SNX29: variants seen among roughly 807,000 people sequenced by gnomAD.
SNX29 encodes sorting nexin 29, also known as sorting nexin-29.
SNX29 carries 78 observed loss-of-function variants against 102.1 expected under a neutral mutation model. The observed-to-expected ratio is 0.76, with a 90% CI of 0.64 to 0.92. The LOEUF is 0.92. Ranked by LOEUF, SNX29 falls within the 40% of genes least tolerant of loss-of-function variation. SNX29 has a pLI of 0.00. For synonymous variants in SNX29, 580 were observed against 414.5 expected, an observed-to-expected ratio of 1.40 and a Z score of -4.85; for missense variants, 1,280 against 1,061.7, an observed-to-expected ratio of 1.21 and a Z score of -2.86.
chr16:12,355,494 C>T (rs1405331629), intron 15 of SNX29, among the ~76,000 whole-genome samples: 2 of 152,174 alleles, frequency 1.3e-5, no homozygotes, highest in African/African-American at 4.8e-5. Flanking sequence ...AAGGATCTGC[C>T]TGACCTCGCA....
chr16:12,272,217 C>T (rs2079110992), intron 14 of SNX29, among the ~76,000 whole-genome samples: 1 of 152,122 alleles, frequency 6.6e-6, no homozygotes, highest in Admixed American at 6.5e-5. Flanking sequence ...AAATATAGTC[C>T]TAGAGGGGCT....
At chr16:12,547,314 C>T (rs1002345870) in intron 20 of SNX29, among the ~76,000 whole-genome samples, 1 of 152,140 alleles carries the variant, frequency 6.6e-6, no homozygotes, top group Non-Finnish European at 1.5e-5. Flanking sequence ...CAGGGTAGCC[C>T]AGGAACAGAG....
intron 20 of SNX29, among the ~76,000 whole-genome samples, chr16:12,549,757 G>A (rs765852259): frequency 6.6e-6 from 1 of 152,236 alleles, no homozygotes; most frequent in Non-Finnish European, 1.5e-5. Flanking sequence ...TTTGAGACCT[G>A]TTGGTGATTA....
intron 15 of SNX29, among the ~76,000 whole-genome samples, chr16:12,326,581 A>G (rs2081126840): frequency 1.3e-5 from 2 of 152,176 alleles, no homozygotes; most frequent in African/African-American, 4.8e-5. Flanking sequence ...TTGTGTTCCA[A>G]GAAAACTTTA....
At chr16:12,072,832 G>A (rs1366222127) in intron 10 of SNX29, among the ~76,000 whole-genome samples, 1 of 152,070 alleles carries the variant, frequency 6.6e-6, no homozygotes, top group Admixed American at 6.6e-5. Flanking sequence ...ATTGATTATT[G>A]CCACAATTTC....
At chr16:12,381,352 CCAGCCACCCACCCACCGACCCAT>C (rs2083139453) in intron 16 of SNX29, among the ~76,000 whole-genome samples, 1 of 87,168 alleles carries the variant, frequency 1.1e-5, no homozygotes, top group Admixed American at 1.3e-4. Flanking sequence ...AACCCATCAT[CCAGCCACCCACCCACCGACCCAT>C]CATCCACCCA....
intron 14 of SNX29, among the ~76,000 whole-genome samples, chr16:12,218,659 T>C (rs955198521): frequency 2.6e-5 from 4 of 152,234 alleles, no homozygotes; most frequent in Non-Finnish European, 5.9e-5. Context: ...GATCAAAAGA[T>C]GTATAGCTAA....
rs1479387968 is a variant in SNX29 at position 12,568,502 on chromosome 16, T to G, written c.2319-4T>G. 3 of 1,609,496 alleles carry G rather than the reference T, an allele frequency of 1.9e-6. No homozygotes were observed. Among genetic ancestry groups the G allele is most frequent in the East Asian group, 2.2e-5 (1 of 44,870 alleles). ...TTAACCCGATTCTCTCCCTGCTCTT[T>G]CAGCGACATCACCCCGCCCGGAGAG... On this transcript the variant is annotated splice_polypyrimidine_tract_variant and splice_region_variant and intron_variant, in intron 20 of 20. Transcript: ENST00000566228.
chr16:12,166,804 G>A (rs970328011), intron 13 of SNX29, among the ~76,000 whole-genome samples: 3 of 152,232 alleles, frequency 2.0e-5, no homozygotes, highest in Non-Finnish European at 4.4e-5. Context: ...CTTTCATTCA[G>A]TGCTTCCAGC....
intron 19 of SNX29, among the ~76,000 whole-genome samples, chr16:12,493,788 C>T (rs1208616406): frequency 6.6e-6 from 1 of 152,188 alleles, no homozygotes; most frequent in South Asian, 2.1e-4. Context: ...GACGGGGTTT[C>T]ACCATGTTGG....
chr16:12,136,055 C>T (rs893419148), intron 13 of SNX29, among the ~76,000 whole-genome samples: 1 of 152,226 alleles, frequency 6.6e-6, no homozygotes, highest in African/African-American at 2.4e-5. Context: ...CTGCAGACTT[C>T]GCTTCTTGTG....
chr16:12,564,272 C>G (rs566331628), intron 20 of SNX29, among the ~76,000 whole-genome samples: 7 of 152,294 alleles, frequency 4.6e-5, no homozygotes, highest in African/African-American at 9.6e-5. Context: ...TTAGATGCCT[C>G]TACCAGTAAA....
chr16:11,990,478 C>T (rs2055806407), intron 1 of SNX29, among the ~76,000 whole-genome samples: 1 of 152,146 alleles, frequency 6.6e-6, no homozygotes, highest in South Asian at 2.1e-4. Flanking sequence ...TGTATGTGCC[C>T]CGGGCATATA....
chr16:12,077,485 T>C (rs2051636918), intron 10 of SNX29, among the ~76,000 whole-genome samples: 1 of 151,952 alleles, frequency 6.6e-6, no homozygotes, highest in African/African-American at 2.4e-5. Context: ...TAAACTTTAT[T>C]TTTCATGTTG....
intron 18 of SNX29, among the ~76,000 whole-genome samples, chr16:12,467,350 G>T (rs1212850926): frequency 6.6e-6 from 1 of 152,190 alleles, no homozygotes; most frequent in Non-Finnish European, 1.5e-5. Flanking sequence ...CGCTCACTAG[G>T]GCGAAGATCC....
intron 19 of SNX29, among the ~76,000 whole-genome samples, chr16:12,504,101 C>T (rs1431882028): frequency 6.6e-6 from 1 of 152,152 alleles, no homozygotes; most frequent in Non-Finnish European, 1.5e-5. Context: ...CATCTGTTTT[C>T]TGCATCTAAG....
At chr16:12,278,752 A>T (rs979948466) in intron 15 of SNX29, among the ~76,000 whole-genome samples, 11 of 152,216 alleles carry the variant, frequency 7.2e-5, no homozygotes, top group African/African-American at 2.7e-4. Flanking sequence ...GATGTACAAA[A>T]ATTCTAGAAA....
chr16:12,365,991 G>C (rs1165574619), intron 16 of SNX29, among the ~76,000 whole-genome samples: 1 of 134,160 alleles, frequency 7.5e-6, no homozygotes, highest in East Asian at 2.2e-4. Context: ...GCAGTGAGCA[G>C]AGATCGTGCC....
chr16:12,415,658 C>A (rs2084600038), intron 18 of SNX29, among the ~76,000 whole-genome samples: 1 of 151,822 alleles, frequency 6.6e-6, no homozygotes, highest in African/African-American at 2.4e-5. Flanking sequence ...GATGTTACCT[C>A]CCACATCCAG....
Sources: gnomAD v4.1 joint callset for allele counts (sites outside exome capture counted in the v4.1 genomes callset) on GRCh38, gnomAD v4.1.1 for gene constraint, MANE v1.5 for transcripts, NCBI Gene and HGNC (gene_info 2026-07-23, HGNC 2026-07-21) for gene names.